The following VPS13D variants were observed in gnomAD, a reference collection of about 807,000 sequenced individuals.
The protein encoded by VPS13D is intermembrane lipid transfer protein VPS13D.
Under a neutral mutation model 461.9 loss-of-function variants are expected in VPS13D, and 187 were observed. The observed-to-expected ratio is 0.40, with a 90% CI of 0.36 to 0.46. The LOEUF is 0.46. VPS13D is among the 20% of genes least tolerant of loss of function. VPS13D has a pLI of 0.60. For synonymous variants in VPS13D, 1,951 were observed against 1,986.3 expected (o/e 0.98, Z 0.47); for missense variants, 4,711 against 5,364.9 (o/e 0.88, Z 3.81).
chr1:12,375,300 G>T (rs1229704666), intron 55 of VPS13D, among the ~76,000 whole-genome samples: 2 of 152,092 alleles, frequency 1.3e-5, no homozygotes, highest in Non-Finnish European at 2.9e-5. Context: ...GTGGTGTTGT[G>T]GTTCCCAGGC....
intron 65 of VPS13D, among the ~76,000 whole-genome samples, chr1:12,433,949 A>AGAGAGAGAGAGAGAGAGAGAGTGT (rs1553121770): frequency 1.4e-5 from 2 of 144,928 alleles, no homozygotes; most frequent in African/African-American, 5.1e-5. Context: ...AGAGAGAGAG[A>AGAGAGAGAGAGAGAGAGAGAGTGT]GTGTGTGTGT....
chr1:12,356,096 T>C lies in VPS13D; in HGVS notation c.9871+6T>C. The C allele has an allele frequency of 6.3e-7, 1 of 1,594,614 alleles. No homozygotes were observed. The highest frequency in any genetic ancestry group is 8.6e-7 in the Non-Finnish European group (1 of 1,167,994). On this transcript the variant is annotated splice_donor_region_variant and intron_variant, in intron 48 of 69. Coordinates refer to ENST00000620676, the MANE Select transcript of VPS13D (RefSeq NM_015378.4). ...TTGGCTGATTAACAAAACAGGTACA[T>C]ACAGGGGCTGCTCAAGTAGGTCTTT...
intron 65 of VPS13D, among the ~76,000 whole-genome samples, chr1:12,425,558 G>A (rs1177619798): frequency 6.8e-6 from 1 of 147,794 alleles, no homozygotes; most frequent in Non-Finnish European, 1.5e-5. Flanking sequence ...TGTTGTTTCT[G>A]TCTTAAAAAA....
intron 60 of VPS13D, among the ~76,000 whole-genome samples, chr1:12,389,772 C>CA (rs1644399122): frequency 6.6e-6 from 1 of 152,176 alleles, no homozygotes; most frequent in South Asian, 2.1e-4. Context: ...TGGAGTGACC[C>CA]AAACCTTCCT....
chr1:12,333,123 C>T, intron 37 of VPS13D, 103 bp from the exon 38 acceptor site: 1 of 1,359,346 alleles, frequency 7.4e-7, no homozygotes, highest in Non-Finnish European at 1.0e-6. Flanking sequence ...AAGTAGAAAG[C>T]TATTAAGCTC....
chr1:12,343,986 AAAG>A (rs371951898), intron 42 of VPS13D, among the ~76,000 whole-genome samples: 1 of 152,236 alleles, frequency 6.6e-6, no homozygotes, highest in African/African-American at 2.4e-5. Context: ...CTGATTCTAA[AAAG>A]AACTGATCTG....
At chr1:12,429,693 G>A (rs1264933310) in intron 65 of VPS13D, among the ~76,000 whole-genome samples, 1 of 152,190 alleles carries the variant, frequency 6.6e-6, no homozygotes, top group Non-Finnish European at 1.5e-5. Context: ...ACAGGAAAAG[G>A]ACATTGACTT....
At position 12,332,371 on chromosome 1, in the gene VPS13D, G is replaced by A. The variant is rs911220478; in HGVS notation, c.8288-855G>A. On this transcript the variant is annotated intron_variant, in intron 37 of 69. Coordinates refer to ENST00000620676, the MANE Select transcript of VPS13D (RefSeq NM_015378.4). ...ATAATGCATGTTAATATTCAGTAGT[G>A]AAAACAATGTACCACGGTGACCTGC... Among the ~76,000 whole-genome samples, 68 of 152,202 alleles carry A rather than the reference G, an allele frequency of 4.5e-4. 1 individual carries two copies. Among genetic ancestry groups the A allele is most frequent in the Non-Finnish European group, 8.8e-5 (6 of 68,038 alleles).
intron 64 of VPS13D, 58 bp from the exon 65 acceptor site, chr1:12,416,602 T>TAA: frequency 6.5e-7 from 1 of 1,543,034 alleles, no homozygotes; most frequent in Non-Finnish European, 8.8e-7. Flanking sequence ...GGGACACTGG[T>TAA]ATCTGCAAAT....
At chr1:12,489,009 G>A (rs1645840944) in intron 67 of VPS13D, among the ~76,000 whole-genome samples, 1 of 152,306 alleles carries the variant, frequency 6.6e-6, no homozygotes, top group South Asian at 2.1e-4. Context: ...TAAAAGCAAA[G>A]CAAACCCAGA....
At chr1:12,295,716 C>T (rs1642258270) in intron 24 of VPS13D, among the ~76,000 whole-genome samples, 1 of 152,068 alleles carries the variant, frequency 6.6e-6, no homozygotes. Context: ...GTATATATGT[C>T]ACAGAGTATC....
chr1:12,279,473 CTAT>C lies in VPS13D; in HGVS notation c.4451-25_4451-23del. 6.4e-7 allele frequency: 1 copy of C among 1,574,222 alleles called. No homozygotes were observed. On this transcript the variant is annotated intron_variant, in intron 19 of 69. Coordinates refer to ENST00000620676, the MANE Select transcript of VPS13D (RefSeq NM_015378.4). The surrounding 1 kb of genome is among the most constrained non-coding windows in gnomAD (Gnocchi z 4.3). Reference sequence around the variant, plus strand: ...TGAAGTAAATATTAAGGTTTATGGTCTATCATTTCATCTCTTTTATGCCAGCTT... The same window carrying C: ...TGAAGTAAATATTAAGGTTTATGGTCCATTTCATCTCTTTTATGCCAGCTT...
chr1:12,256,690 G>GTTTTT (rs372902457), intron 8 of VPS13D, among the ~76,000 whole-genome samples, 187 bp downstream of exon 8: 6 of 123,014 alleles, frequency 4.9e-5, no homozygotes, highest in South Asian at 2.8e-4. Context: ...TCTCAGGTTA[G>GTTTTT]TTTTTTTTTT....
At chr1:12,459,388 A>G (rs533163048) in intron 66 of VPS13D, among the ~76,000 whole-genome samples, 45 of 152,192 alleles carry the variant, frequency 3.0e-4, no homozygotes, top group African/African-American at 8.7e-4. Flanking sequence ...GGATTTTGGT[A>G]TCTGCAGGGG....
At chr1:12,341,908 C>G (rs1341738786) in intron 41 of VPS13D, 23 bp downstream of exon 41, 2 of 1,609,476 alleles carry the variant, frequency 1.2e-6, no homozygotes, top group African/African-American at 2.7e-5. Flanking sequence ...TTTATATTAC[C>G]CCGAGTCATC....
intron 32 of VPS13D, among the ~76,000 whole-genome samples, chr1:12,321,081 A>G (rs974527169): frequency 1.3e-5 from 2 of 152,110 alleles, no homozygotes; most frequent in Admixed American, 6.5e-5. Context: ...ATGCAAAATA[A>G]TTTGGTCCTA....
intron 33 of VPS13D, 143 bp downstream of exon 33, chr1:12,322,107 C>T (rs1329220873): frequency 7.4e-6 from 8 of 1,074,682 alleles, no homozygotes; most frequent in Non-Finnish European, 1.1e-5. Flanking sequence ...GCTCTGTCGC[C>T]CAGGCTGGAG....
At chr1:12,465,580 T>C (rs1343010821) in intron 67 of VPS13D, among the ~76,000 whole-genome samples, 1 of 152,156 alleles carries the variant, frequency 6.6e-6, no homozygotes, top group Non-Finnish European at 1.5e-5. Context: ...AAAAGAAAGT[T>C]TTTGGTTGAT....
intron 55 of VPS13D, among the ~76,000 whole-genome samples, chr1:12,375,638 G>A (rs1644187475): frequency 6.6e-6 from 1 of 152,118 alleles, no homozygotes; most frequent in South Asian, 2.1e-4. Context: ...CTTCCCTTGG[G>A]CTCTGATCTC....
Sources: allele counts gnomAD v4.1 joint callset (sites outside exome capture counted in the v4.1 genomes callset), GRCh38; gene constraint gnomAD v4.1.1; non-coding constraint Gnocchi (gnomAD v3.1); transcripts MANE v1.5; gene names NCBI Gene and HGNC (gene_info 2026-07-23, HGNC 2026-07-21).